Variants in KNDC1 observed in about 807,000 individuals in gnomAD.
KNDC1 encodes the protein kinase non-catalytic C-lobe domain containing 1.
A neutral mutation model predicts 172.8 loss-of-function variants in KNDC1; 106 were observed. That is an observed-to-expected ratio of 0.61 (90% CI 0.52 to 0.72). KNDC1 has a LOEUF of 0.72. Among genes scored for constraint, KNDC1 ranks in the 30% least tolerant of loss-of-function variants. The probability of loss-of-function intolerance (pLI) is 0.00; values close to 1 mark genes in which losing one functional copy is unlikely to be tolerated. For synonymous variants in KNDC1, 1,083 were observed against 1,062.2 expected, an observed-to-expected ratio of 1.02 and a Z score of -0.38; for missense variants, 2,325 against 2,394.5, an observed-to-expected ratio of 0.97 and a Z score of 0.61.
chr10:133,167,865 T>A (rs548597033), intron 2 of KNDC1, among the ~76,000 whole-genome samples: 1 of 152,222 alleles, frequency 6.6e-6, no homozygotes, highest in Non-Finnish European at 1.5e-5. Flanking sequence ...AAGGGCAGGC[T>A]ATGCCCCTCT....
rs758355597 is a variant in KNDC1 at position 133,177,246 on chromosome 10, GAT to G, written c.361-6094_361-6093del. ...TGGTGTGTGCATATGCATGCAATAT[GAT>G]ATAGTGTGTTTTGTGTGCACATGTA... On this transcript the variant is annotated intron_variant, in intron 3 of 29. Coordinates refer to ENST00000304613, the MANE Select transcript of KNDC1 (RefSeq NM_152643.8). Among the ~76,000 whole-genome samples the G allele has an allele frequency of 6.1e-4, 93 of 151,626 alleles. 1 individual carries two copies. The highest frequency in any genetic ancestry group is 8.8e-4 in the African/African-American group (36 of 41,142).
intron 1 of KNDC1, among the ~76,000 whole-genome samples, chr10:133,162,072 C>T (rs541807262): frequency 9.8e-5 from 15 of 152,304 alleles, no homozygotes; most frequent in Non-Finnish European, 1.9e-4. Flanking sequence ...CATCCTGTGA[C>T]GTCCACCAAG....
rs896116405 is a variant in KNDC1, at chr10:133,207,299, C to G, written c.3742C>G (p.Arg1248Gly). The G allele has an allele frequency of 4.3e-6, 7 of 1,612,820 alleles. No homozygotes were observed. Among genetic ancestry groups the G allele is most frequent in the Non-Finnish European group, 5.9e-6 (7 of 1,179,964 alleles). The part of the protein sequence containing the change: ...NKHPGGRQKA[R>G]ILQAGTPLGL... ...GCACCCGGGCGGCCGGCAGAAGGCCCGCATCCTGCAGGCCGGCACGCCGCT... is the reference window on the plus strand; with the variant it reads ...GCACCCGGGCGGCCGGCAGAAGGCCGGCATCCTGCAGGCCGGCACGCCGCT... The change falls in exon 20 of 30, where the codon CGC becomes GGC. Residue 1248 changes from arginine (R) to glycine (G), a missense_variant. Physicochemically the swap from Arg to Gly is moderately radical, Grantham distance 125. Coordinates refer to ENST00000304613, the MANE Select transcript of KNDC1 (RefSeq NM_152643.8).
chr10:133,215,966 C>T lies in KNDC1; in HGVS notation c.4677+1844C>T, dbSNP rs563530058. Among the ~76,000 whole-genome samples, 16 of 152,362 alleles carry T rather than the reference C, an allele frequency of 1.1e-4. No homozygotes were observed. In the South Asian group the frequency reaches 2.7e-3, roughly 26 times the overall value. ...CACCTCCTCACGGGAGCGGACGGACCTCGCCGGAGACCCACTTCTAAAAGC... is the reference window on the plus strand; with the variant it reads ...CACCTCCTCACGGGAGCGGACGGACTTCGCCGGAGACCCACTTCTAAAAGC... On this transcript the variant is annotated intron_variant, in intron 26 of 29. Transcript: ENST00000304613.
chr10:133,222,007 C>CTGGGT, intron 29 of KNDC1, among the ~76,000 whole-genome samples: 1 of 149,576 alleles, frequency 6.7e-6, no homozygotes, highest in South Asian at 2.2e-4. Flanking sequence ...GTGGGCCGGG[C>CTGGGT]GCGGTGGCTC....
chr10:133,201,861 A>G lies in KNDC1; in HGVS notation c.3350A>G (p.Gln1117Arg). The G allele has an allele frequency of 6.8e-7, 1 of 1,478,212 alleles. No homozygotes were observed. Among genetic ancestry groups the G allele is most frequent in the Non-Finnish European group, 9.0e-7 (1 of 1,115,790 alleles). The allele number at this position is 1,478,212 out of a possible 1,614,324, so 91.6% of individuals were successfully genotyped here. Residue 1117 changes from glutamine to arginine, a missense_variant, in exon 17 of 30, where the codon CAG becomes CGG. Physicochemically the swap from Gln to Arg is conservative, Grantham distance 43. Coordinates refer to ENST00000304613, the MANE Select transcript of KNDC1 (RefSeq NM_152643.8). ...VHNYVKDLGRQQADGALPDAQ... is the reference protein window; with the variant it reads ...VHNYVKDLGRRQADGALPDAQ... ...AACTACGTGAAGGACCTGGGGCGGC[A>G]GCAGGCGGACGGGGCCCTGCCCGAC...
At chr10:133,193,556 AGAAG>A (rs1854115455) in intron 9 of KNDC1, among the ~76,000 whole-genome samples, 1 of 152,104 alleles carries the variant, frequency 6.6e-6, no homozygotes, top group Non-Finnish European at 1.5e-5. Context: ...GAAGGAAGAA[AGAAG>A]GAAGGAAGAA....
At chr10:133,200,342 G>A in intron 15 of KNDC1, 33 bp from the exon 16 acceptor site, 1 of 1,523,444 alleles carries the variant, frequency 6.6e-7, no homozygotes, top group Non-Finnish European at 8.9e-7. Flanking sequence ...CCAGTGGGCG[G>A]AGGTGGGGAC....
At chr10:133,212,168 GC>G (rs1430605839) in intron 23 of KNDC1, among the ~76,000 whole-genome samples, 3 of 151,162 alleles carry the variant, frequency 2.0e-5, no homozygotes, top group Non-Finnish European at 4.4e-5. Flanking sequence ...GCACTCGTGT[GC>G]ACCCTCACAC....
chr10:133,212,613 CT>C, intron 23 of KNDC1, 102 bp from the exon 24 acceptor site: 1 of 943,702 alleles, frequency 1.1e-6, no homozygotes, highest in Non-Finnish European at 1.6e-6. Context: ...GAGTACTGGG[CT>C]TGCACCTGGC....
intron 5 of KNDC1, among the ~76,000 whole-genome samples, chr10:133,184,782 G>C (rs937302175): frequency 6.6e-6 from 1 of 152,178 alleles, no homozygotes; most frequent in African/African-American, 2.4e-5. Context: ...ATTGGTGCCA[G>C]TGTGGCATTG....
intron 3 of KNDC1, among the ~76,000 whole-genome samples, chr10:133,180,061 G>T (rs1001505265): frequency 6.6e-5 from 10 of 152,254 alleles, no homozygotes; most frequent in African/African-American, 2.4e-4. Flanking sequence ...TTCCTGAGAG[G>T]AGCCTTCCCT....
At chr10:133,169,338 T>A (rs1264408844) in intron 3 of KNDC1, among the ~76,000 whole-genome samples, 1 of 152,234 alleles carries the variant, frequency 6.6e-6, no homozygotes, top group Non-Finnish European at 1.5e-5. Context: ...TGCACGCCTG[T>A]GGTCCCAGCT....
Position 133,213,986 on chromosome 10 carries a change from A to G in KNDC1, c.4541A>G (p.Glu1514Gly). ...STAIPKASSS[E>G]SLSAKTCSLF... ...TTCTCTTCCAGAGCCAGCTCTTCTG[A>G]GTCTCTTTCGGCCAAAACCTGCAGC... The change falls in exon 26 of 30, where the codon GAG becomes GGG. Residue 1514 changes from glutamate to glycine, a missense_variant. Glu to Gly is a moderately conservative substitution (Grantham distance 98, BLOSUM62 -2). Coordinates refer to ENST00000304613, the MANE Select transcript of KNDC1 (RefSeq NM_152643.8). The G allele has an allele frequency of 6.2e-7, 1 of 1,614,130 alleles. No homozygotes were observed. The highest frequency in any genetic ancestry group is 8.5e-7 in the Non-Finnish European group (1 of 1,179,988).
chr10:133,188,681 C>G, intron 7 of KNDC1, 28 bp downstream of exon 7: 1 of 1,332,948 alleles, frequency 7.5e-7, no homozygotes, highest in Non-Finnish European at 1.0e-6. Flanking sequence ...CCATCCCCCC[C>G]GCCGTCCCCA....
intron 1 of KNDC1, among the ~76,000 whole-genome samples, chr10:133,165,217 C>T (rs1243134567): frequency 5.9e-5 from 9 of 152,232 alleles, no homozygotes; most frequent in Admixed American, 1.3e-4. Flanking sequence ...AGAGAATCTC[C>T]GACGGAATTC....
intron 6 of KNDC1, among the ~76,000 whole-genome samples, chr10:133,187,846 A>G (rs564626195): frequency 6.3e-4 from 96 of 152,186 alleles, no homozygotes; most frequent in African/African-American, 2.2e-3. Flanking sequence ...ACGCTGTTGC[A>G]CAGCTGTCCC....
chr10:133,165,608 C>A (rs752400416), intron 1 of KNDC1, among the ~76,000 whole-genome samples: 1 of 152,210 alleles, frequency 6.6e-6, no homozygotes, highest in Non-Finnish European at 1.5e-5. Flanking sequence ...GGCACGTGTG[C>A]GTGGGCATGT....
intron 3 of KNDC1, among the ~76,000 whole-genome samples, chr10:133,178,126 T>G (rs756894952): frequency 6.6e-6 from 1 of 151,458 alleles, no homozygotes. Context: ...GTGGTGTGTG[T>G]GCATGCATGT....
Sources: gnomAD v4.1 joint callset for allele counts (sites outside exome capture counted in the v4.1 genomes callset) on GRCh38, gnomAD v4.1.1 for gene constraint, MANE v1.5 for transcripts, NCBI Gene and HGNC (gene_info 2026-07-23, HGNC 2026-07-21) for gene names.